The following KIF6 variants were observed in gnomAD, a reference collection of about 807,000 sequenced individuals.
The protein encoded by KIF6 is kinesin-like protein KIF6.
A neutral mutation model predicts 112.7 loss-of-function variants in KIF6; 106 were observed. The ratio of observed to expected loss-of-function variants is 0.94; its 90% confidence interval spans 0.80 to 1.11. KIF6 has a LOEUF of 1.11. KIF6 is among the 50% of genes least tolerant of loss of function. KIF6 has a pLI of 0.00. For synonymous variants in KIF6, 339 were observed against 339.9 expected, an observed-to-expected ratio of 1.00 and a Z score of 0.03; for missense variants, 929 against 964.0, an observed-to-expected ratio of 0.96 and a Z score of 0.48.
intron 22 of KIF6, among the ~76,000 whole-genome samples, chr6:39,336,924 TTCTC>T (rs1291727319): frequency 7.0e-6 from 1 of 142,320 alleles, no homozygotes; most frequent in Non-Finnish European, 1.5e-5. Context: ...TTTCTTCCCT[TTCTC>T]TTCTTTCTTT....
At chr6:39,617,750 C>T in intron 5 of KIF6, 1 of 455,516 alleles carries the variant, frequency 2.2e-6, no homozygotes, top group South Asian at 1.6e-5. Flanking sequence ...AGACTAGAGG[C>T]CATTCCGTCT....
intron 3 of KIF6, among the ~76,000 whole-genome samples, chr6:39,702,752 G>T (rs939414374): frequency 1.3e-5 from 2 of 152,122 alleles, no homozygotes; most frequent in African/African-American, 4.8e-5. Flanking sequence ...AGACTTATTT[G>T]CAGTGCTTGA....
intron 13 of KIF6, among the ~76,000 whole-genome samples, chr6:39,521,969 A>C (rs1777425322): frequency 6.6e-6 from 1 of 152,052 alleles, no homozygotes; most frequent in South Asian, 2.1e-4. Context: ...CCTCTGTCTC[A>C]TCCCACCCAT....
At chr6:39,450,964 T>A (rs897593838) in intron 13 of KIF6, among the ~76,000 whole-genome samples, 1 of 152,252 alleles carries the variant, frequency 6.6e-6, no homozygotes, top group Non-Finnish European at 1.5e-5. Context: ...TAATCCTTTT[T>A]TCGTCAGTAG....
chr6:39,627,745 A>T lies in KIF6; in HGVS notation c.509+7104T>A, dbSNP rs16892322. Among the ~76,000 whole-genome samples the T allele has an allele frequency of 8.0e-3, 1,222 of 152,272 alleles. 16 individuals are homozygous for T. Among genetic ancestry groups the T allele is most frequent in the African/African-American group, 0.028 (1,166 of 41,556 alleles). ...TCCTTTTTATAGTAATAACCATGAC[A>T]ATCGTTAGAATCTTAAATGGAATAT... On this transcript the variant is annotated intron_variant, in intron 5 of 22. Transcript: ENST00000287152.
chr6:39,676,212 C>A (rs1012866025), intron 3 of KIF6, among the ~76,000 whole-genome samples: 9 of 152,048 alleles, frequency 5.9e-5, no homozygotes, highest in African/African-American at 1.9e-4. Context: ...AAAACACCTG[C>A]ACAAAGTAAA....
chr6:39,448,334 C>T (rs1772461636), intron 13 of KIF6, among the ~76,000 whole-genome samples: 1 of 151,990 alleles, frequency 6.6e-6, no homozygotes, highest in Non-Finnish European at 1.5e-5. Flanking sequence ...GCCACCACAC[C>T]CGGCTGATTT....
chr6:39,369,640 CCTT>C (rs1765817971), intron 16 of KIF6, among the ~76,000 whole-genome samples: 1 of 152,174 alleles, frequency 6.6e-6, no homozygotes. Context: ...CAGATCTGCT[CCTT>C]CTCACCAGCA....
chr6:39,634,729 C>T (rs62403326), intron 5 of KIF6, 120 bp downstream of exon 5: 63,908 of 711,526 alleles, frequency 0.09, 3,480 homozygotes, highest in South Asian at 0.17. Flanking sequence ...CAAAAAGATA[C>T]GGTTATCCAG....
At chr6:39,451,506 AT>A (rs1285927036) in intron 13 of KIF6, among the ~76,000 whole-genome samples, 2 of 152,226 alleles carry the variant, frequency 1.3e-5, no homozygotes, top group African/African-American at 2.4e-5. Flanking sequence ...AAGAACTGTT[AT>A]AAAAATGCAC....
chr6:39,620,129 T>G (rs963498263), intron 5 of KIF6, among the ~76,000 whole-genome samples: 1 of 152,204 alleles, frequency 6.6e-6, no homozygotes, highest in Admixed American at 6.5e-5. Context: ...CTTGCTAATT[T>G]CTAAAAACAT....
intron 3 of KIF6, among the ~76,000 whole-genome samples, chr6:39,685,302 A>C (rs904035716): frequency 6.6e-6 from 1 of 151,630 alleles, no homozygotes; most frequent in African/African-American, 2.4e-5. Flanking sequence ...TGGCAGAGAC[A>C]GTAGAGCTCT....
chr6:39,568,230 G>A (rs114028853), intron 10 of KIF6, among the ~76,000 whole-genome samples: 1 of 152,126 alleles, frequency 6.6e-6, no homozygotes, highest in East Asian at 1.9e-4. Flanking sequence ...CTGTATACAG[G>A]GGGTAACGAG....
At chr6:39,337,172 C>CTTCTTTCTCTCTTTCTTTCTTTCT (rs1763014157) in intron 22 of KIF6, among the ~76,000 whole-genome samples, 1 of 59,504 alleles carries the variant, frequency 1.7e-5, no homozygotes, top group Admixed American at 2.0e-4. Context: ...TCTTTCCTTC[C>CTTCTTTCTCTCTTTCTTTCTTTCT]TTCTTTCTTT....
At chr6:39,344,617 G>T (rs975255579) in intron 21 of KIF6, among the ~76,000 whole-genome samples, 1 of 151,940 alleles carries the variant, frequency 6.6e-6, no homozygotes, top group East Asian at 1.9e-4. Context: ...TTCTCTCGCT[G>T]CCTTCTCTAT....
chr6:39,349,375 CAACA>C (rs1430302389), intron 19 of KIF6, among the ~76,000 whole-genome samples: 2 of 151,908 alleles, frequency 1.3e-5, no homozygotes, highest in African/African-American at 4.8e-5. Context: ...GCGGCATGAT[CAACA>C]AACAAGCAGT....
intron 13 of KIF6, among the ~76,000 whole-genome samples, chr6:39,498,555 T>G (rs1461344630): frequency 6.6e-6 from 1 of 152,154 alleles, no homozygotes; most frequent in Non-Finnish European, 1.5e-5. Flanking sequence ...GTGGGCCATA[T>G]GGTCAGTGTT....
chr6:39,506,267 C>A (rs1426124074), intron 13 of KIF6, among the ~76,000 whole-genome samples: 2 of 152,144 alleles, frequency 1.3e-5, no homozygotes, highest in South Asian at 2.1e-4. Flanking sequence ...AAATCAAATA[C>A]CTCATGTTCT....
intron 22 of KIF6, among the ~76,000 whole-genome samples, chr6:39,337,048 TTTTC>T (rs140198007): frequency 0.086 from 10,954 of 128,096 alleles, 866 homozygotes; most frequent in African/African-American, 0.19. Context: ...CTTCCTTCCT[TTTTC>T]TTTCTTTCTT....
Sources: allele counts gnomAD v4.1 joint callset (sites outside exome capture counted in the v4.1 genomes callset), GRCh38; gene constraint gnomAD v4.1.1; transcripts MANE v1.5; gene names NCBI Gene and HGNC (gene_info 2026-07-23, HGNC 2026-07-21).